Variants in KCNS1 observed in about 807,000 individuals in gnomAD.
KCNS1 encodes delayed-rectifier potassium channel regulatory subunit KCNS1.
KCNS1 carries 26 observed loss-of-function variants against 33.1 expected under a neutral mutation model. The ratio of observed to expected loss-of-function variants is 0.79; its 90% CI spans 0.58 to 1.09. The LOEUF is 1.09. Among genes scored for constraint, KCNS1 ranks in the 50% least tolerant of loss-of-function variants. The pLI is 0.00. For missense variants in KCNS1, 702 were observed against 752.4 expected, an observed-to-expected ratio of 0.93 and a Z score of 0.78; for synonymous variants, 299 against 338.8, an observed-to-expected ratio of 0.88 and a Z score of 1.29.
intron 2 of KCNS1, 70 bp downstream of exon 2, chr20:45,099,091 A>G (rs1180289191): frequency 6.6e-7 from 1 of 1,516,734 alleles, no homozygotes; most frequent in Non-Finnish European, 8.9e-7. Context: ...CCAAAGGTCT[A>G]CTGTGGGATC....
chr20:45,098,725 G>C lies in KCNS1; in HGVS notation c.77-30C>G. 5 of 1,359,256 alleles carry C rather than the reference G, an allele frequency of 3.7e-6. No homozygotes were observed. In the South Asian group the frequency reaches 9.8e-5, roughly 27 times the overall value. The allele number at this position is 1,359,256 out of a possible 1,614,324, so 84.2% of individuals were successfully genotyped here. On this transcript the variant is annotated intron_variant, in intron 2 of 3. Coordinates refer to ENST00000537075, the MANE Select transcript of KCNS1 (RefSeq NM_001322799.2). The surrounding 1 kb of genome is among the most constrained non-coding windows in gnomAD (Gnocchi z 5.2). Reference sequence around the variant, plus strand: ...GGACACCAGAAGGGCGCGCTGAGGAGTTCCCGGGCTTCCCTTCCTGGAAGA... The same window carrying C: ...GGACACCAGAAGGGCGCGCTGAGGACTTCCCGGGCTTCCCTTCCTGGAAGA...
In KCNS1 at chr20:45,098,557, G is replaced by C. The variant is rs1600602127; in HGVS notation, c.215C>G (p.Pro72Arg). The C allele has an allele frequency of 7.1e-7, 1 of 1,404,532 alleles. No homozygotes were observed. Among genetic ancestry groups the C allele is most frequent in the Non-Finnish European group, 9.3e-7 (1 of 1,077,704 alleles). 87.0% of individuals were successfully genotyped at this position (1,404,532 alleles called of 1,614,324 possible). ...CTGCAGGCGGCCCAGCCGCGTGCCC[G>C]GGAAGCGCGCCAGGGCGCGCGCGCT... ...QLSARALARF[P>R]GTRLGRLQAA... Residue 72 changes from proline (P) to arginine (R), a missense_variant, in exon 3 of 4, where the codon CCG becomes CGG. Transcript: ENST00000537075. This position sits in a 1 kb window ranked among gnomAD's most constrained non-coding sequence, Gnocchi z 5.2.
chr20:45,100,189 C>T (rs1431679288), intron 1 of KCNS1: 1 of 152,224 alleles, frequency 6.6e-6, no homozygotes, highest in Non-Finnish European at 1.5e-5. Flanking sequence ...CATTCGTCGC[C>T]CTCTCTGGGC....
Position 45,094,587 on chromosome 20 carries a change from T to A in KCNS1, c.*283A>T. ...GACCTGGTTCATGTACAGGAGGTGC[T>A]CAGGAATCATTAGTATCCTTTCAAC... On this transcript the variant is annotated 3_prime_UTR_variant, in exon 4 of 4. Transcript: ENST00000537075. 1 of 369,176 alleles carries A rather than the reference T, an allele frequency of 2.7e-6. No individual in the cohort carries two copies. The highest frequency in any genetic ancestry group is 5.0e-6 in the Non-Finnish European group (1 of 202,000). 22.9% of individuals were successfully genotyped at this position (369,176 alleles called of 1,614,324 possible). A position where few individuals can be genotyped will look rare whatever the true frequency, so the allele number is the denominator to read the frequency against.
intron 3 of KCNS1, among the ~76,000 whole-genome samples, chr20:45,095,928 G>C (rs975322087): frequency 6.9e-6 from 1 of 144,214 alleles, no homozygotes; most frequent in South Asian, 2.5e-4. Flanking sequence ...ATTTGGGAAC[G>C]TCTAGAGACA....
At chr20:45,100,099 A>G (rs1220007844) in intron 1 of KCNS1, 1 of 152,246 alleles carries the variant, frequency 6.6e-6, no homozygotes, top group Non-Finnish European at 1.5e-5. Context: ...AAAACAGTAG[A>G]TGCTCAATAA....
chr20:45,093,473 T>C lies in KCNS1; in HGVS notation c.*1397A>G, dbSNP rs1981067961. On this transcript the variant is annotated 3_prime_UTR_variant, in exon 4 of 4. Coordinates refer to ENST00000537075, the MANE Select transcript of KCNS1 (RefSeq NM_001322799.2). ...ATCTATTCAACATTTACCAAATACC[T>C]ACTCTGCACCAAGCCCAGAGTTCAA... 6.6e-6 allele frequency: 1 copy of C among 152,186 alleles called. No homozygotes were observed. The highest frequency in any genetic ancestry group is 1.5e-5 in the Non-Finnish European group (1 of 68,052). The allele number at this position is 152,186 out of a possible 1,614,324, so 9.4% of individuals were successfully genotyped here. A position where few individuals can be genotyped will look rare whatever the true frequency, so the allele number is the denominator to read the frequency against.
chr20:45,097,578 CG>C (rs1310592831), intron 3 of KCNS1, 83 bp downstream of exon 3: 1 of 1,348,174 alleles, frequency 7.4e-7, no homozygotes, highest in Admixed American at 2.1e-5. Context: ...AGCCTGGACT[CG>C]GCAGGCTTGT....
rs1981013308 is a variant in KCNS1, at chr20:45,092,013, C to T, written c.*2857G>A. ...AGCTGCTGGAAACTAATATATCTTC[C>T]AATAAATTCATTTTTTGCTTGATGT... On this transcript the variant is annotated 3_prime_UTR_variant, in exon 4 of 4. Transcript: ENST00000537075. 2.0e-5 allele frequency among the ~76,000 whole-genome samples: 3 copies of T among 152,186 alleles called. No homozygotes were observed. Among genetic ancestry groups the T allele is most frequent in the South Asian group, 4.1e-4 (2 of 4,832 alleles).
At position 45,101,081 on chromosome 20, in the gene KCNS1, C is replaced by T. The variant is rs959000031; in HGVS notation, c.-164G>A. The T allele has an allele frequency of 1.3e-5, 2 of 152,442 alleles. No homozygotes were observed. Among genetic ancestry groups the T allele is most frequent in the African/African-American group, 4.8e-5 (2 of 41,474 alleles). 9.4% of individuals were successfully genotyped at this position (152,442 alleles called of 1,614,324 possible). A position where few individuals can be genotyped will look rare whatever the true frequency, so the allele number is the denominator to read the frequency against. ...CTCCTTCCTTCTTCCTTGCCTAGTC[C>T]CCCGCGGCTGAAGGCCGCATCGATC... On this transcript the variant is annotated 5_prime_UTR_variant, in exon 1 of 4. Coordinates refer to ENST00000537075, the MANE Select transcript of KCNS1 (RefSeq NM_001322799.2).
chr20:45,100,578 A>G (rs1009589093), intron 1 of KCNS1, among the ~76,000 whole-genome samples: 2 of 152,212 alleles, frequency 1.3e-5, no homozygotes, highest in African/African-American at 4.8e-5. Flanking sequence ...TGGCACAGCT[A>G]AGGTTGGAGA....
In KCNS1 at chr20:45,099,149, A is replaced by G; in HGVS notation, c.76+12T>C. The G allele has an allele frequency of 1.3e-6, 2 of 1,551,024 alleles. No homozygotes were observed. The highest frequency in any genetic ancestry group is 1.7e-6 in the Non-Finnish European group (2 of 1,146,694). ...CCTGTTTCTTCTGCAAAATGAGGAT[A>G]GTAACACTTACCTCCTAGGGGTGTT... On this transcript the variant is annotated intron_variant, in intron 2 of 3. Transcript: ENST00000537075.
At position 45,098,635 on chromosome 20, in the gene KCNS1, C is replaced by A. The variant is rs760160451; in HGVS notation, c.137G>T (p.Arg46Leu). Residue 46 changes from arginine to leucine, a missense_variant, in exon 3 of 4, where the codon CGG becomes CTG. Arg to Leu is a moderately radical substitution (Grantham distance 102). Around this residue, in one of 3 missense-constraint regions of KCNS1, gnomAD observed 374 missense variants for 352.3 expected, o/e 1.06. Transcript: ENST00000537075. This position sits in a 1 kb window ranked among gnomAD's most constrained non-coding sequence, Gnocchi z 5.2. ...CACGCGCAGCGCCTCGTCGCTTCGC[C>A]GCCAGCGGATCCCGGTGTCGGGGCC... ...FPGPDTGIRW[R>L]RSDEALRVNV... 1.4e-6 allele frequency: 2 copies of A among 1,473,972 alleles called. No individual in the cohort carries two copies. The highest frequency in any genetic ancestry group is 1.8e-6 in the Non-Finnish European group (2 of 1,113,530). The allele number at this position is 1,473,972 out of a possible 1,614,324, so 91.3% of individuals were successfully genotyped here. A position where few individuals can be genotyped will look rare whatever the true frequency, so the allele number is the denominator to read the frequency against.
chr20:45,098,513 G>C lies in KCNS1; in HGVS notation c.259C>G (p.Gln87Glu). ...GRLQAAASEE[Q>E]ARRLCDDYDE... ...TAGTCGTCGCACAGGCGCCGCGCCT[G>C]CTCCTCCGACGCCGCGGCCTGCAGG... Residue 87 changes from glutamine to glutamate, a missense_variant, in exon 3 of 4, where the codon CAG becomes GAG. By Grantham distance (29) the Gln-to-Glu change is conservative. Coordinates refer to ENST00000537075, the MANE Select transcript of KCNS1 (RefSeq NM_001322799.2). The surrounding 1 kb of genome is among the most constrained non-coding windows in gnomAD (Gnocchi z 5.2). 1 of 1,524,302 alleles carries C rather than the reference G, an allele frequency of 6.6e-7. No individual in the cohort carries two copies. The highest frequency in any genetic ancestry group is 1.2e-5 in the South Asian group (1 of 81,178). The allele number at this position is 1,524,302 out of a possible 1,614,324, so 94.4% of individuals were successfully genotyped here. A position where few individuals can be genotyped will look rare whatever the true frequency, so the allele number is the denominator to read the frequency against.
In KCNS1 at chr20:45,097,815, C is replaced by T. The variant is rs1314885606; in HGVS notation, c.957G>A (p.Thr319=). 6.2e-7 allele frequency: 1 copy of T among 1,613,702 alleles called. No individual in the cohort carries two copies. The highest frequency in any genetic ancestry group is 1.1e-5 in the South Asian group (1 of 91,080). The change falls in exon 3 of 4, where the codon ACG becomes ACA. Residue 319 remains threonine (T), a synonymous_variant. Coordinates refer to ENST00000537075, the MANE Select transcript of KCNS1 (RefSeq NM_001322799.2). The part of the protein sequence containing the change: ...DIVSVLPFYL[T]LLAGVALGDQ... ...CGCCCAGTGCCACACCAGCCAGCAGCGTGAGATAGAAGGGCAGCACAGACA... is the reference window on the plus strand; with the variant it reads ...CGCCCAGTGCCACACCAGCCAGCAGTGTGAGATAGAAGGGCAGCACAGACA...
rs1472293118 is a variant in KCNS1, at chr20:45,092,368, T to C, written c.*2502A>G. ...ACTGATACATGGGAAGGGGAGCGAG[T>C]TGTTGCTTTTCTGCCAGGACCACAA... is the stretch of plus-strand genomic sequence containing the variant. On this transcript the variant is annotated 3_prime_UTR_variant, in exon 4 of 4. Transcript: ENST00000537075. The C allele has an allele frequency of 6.6e-6, 1 of 152,018 alleles. No individual in the cohort carries two copies. The highest frequency in any genetic ancestry group is 1.5e-5 in the Non-Finnish European group (1 of 68,052). 9.4% of individuals were successfully genotyped at this position (152,018 alleles called of 1,614,324 possible).
chr20:45,098,247 G>A lies in KCNS1; in HGVS notation c.525C>T (p.Ser175=). The A allele has an allele frequency of 1.3e-6, 2 of 1,599,344 alleles. No homozygotes were observed. The highest frequency in any genetic ancestry group is 1.7e-6 in the Non-Finnish European group (2 of 1,174,770). Residue 175 remains serine (S), a synonymous_variant, in exon 3 of 4, where the codon AGC becomes AGT. Coordinates refer to ENST00000537075, the MANE Select transcript of KCNS1 (RefSeq NM_001322799.2). The surrounding 1 kb of genome is among the most constrained non-coding windows in gnomAD (Gnocchi z 5.2). ...HAWDEDSDTP[S]SVDPCPDEIS... is the part of the protein sequence containing the mutation. The stretch of plus-strand genomic sequence containing the variant: ...TCTCGTCGGGGCACGGGTCCACGCT[G>A]CTCGGCGTGTCGCTGTCCTCGTCCC...
Position 45,098,843 on chromosome 20 carries a change from T to C in KCNS1, c.77-148A>G, listed in dbSNP as rs541215388. 3.9e-5 allele frequency: 30 copies of C among 778,480 alleles called. No individual in the cohort carries two copies. The Admixed American group carries it at 8.4e-4, about 22-fold the overall frequency. The allele number at this position is 778,480 out of a possible 1,614,324, so 48.2% of individuals were successfully genotyped here. A position where few individuals can be genotyped will look rare whatever the true frequency, so the allele number is the denominator to read the frequency against. On this transcript the variant is annotated intron_variant, in intron 2 of 3. Coordinates refer to ENST00000537075, the MANE Select transcript of KCNS1 (RefSeq NM_001322799.2). This position sits in a 1 kb window ranked among gnomAD's most constrained non-coding sequence, Gnocchi z 5.2. ...GTATGCAGGAGGCGCTCAGTAGATG[T>C]CAGGTGCCCTCTGGACTCAGAGTCA...
intron 3 of KCNS1, 126 bp downstream of exon 3, chr20:45,097,535 TG>T: frequency 1.1e-6 from 1 of 939,324 alleles, no homozygotes; most frequent in Non-Finnish European, 1.6e-6. Context: ...GCCCTGTGCC[TG>T]GCACAAAGGA....
Sources: gnomAD v4.1 joint callset for allele counts (sites outside exome capture counted in the v4.1 genomes callset) on GRCh38, gnomAD v4.1.1 for gene constraint, gnomAD v4.1.1 regional missense constraint, Gnocchi (gnomAD v3.1) non-coding constraint, MANE v1.5 for transcripts, NCBI Gene and HGNC (gene_info 2026-07-23, HGNC 2026-07-21) for gene names.